The following SPACA6 variants were observed in gnomAD, a reference collection of about 807,000 sequenced individuals.
SPACA6 encodes sperm acrosome membrane-associated protein 6.
For missense variants in SPACA6, 8 were observed against 2.8 expected (o/e 2.88, Z -1.34); for synonymous variants, 6 against 1.5 (o/e 4.05, Z -2.21).
chr19:51,687,246 G>A (rs1037283717), upstream of SPACA6: 2 of 148,266 alleles, frequency 1.3e-5, no homozygotes, highest in Non-Finnish European at 3.0e-5. Context: ...TGGGCAATCC[G>A]TCTCAAAAAT....
chr19:51,689,208 G>A (rs1477800509), upstream of SPACA6: 3 of 152,368 alleles, frequency 2.0e-5, no homozygotes, highest in African/African-American at 7.2e-5. Flanking sequence ...CCTCCTCCCC[G>A]GGGCTGGATG....
downstream of SPACA6, among the ~76,000 whole-genome samples, chr19:51,706,592 C>CT (rs2083516745): frequency 1.3e-5 from 2 of 152,320 alleles, no homozygotes; most frequent in South Asian, 4.1e-4. Context: ...GTCTCCTTCT[C>CT]TAACTACCTC....
chr19:51,701,706 TCATTA>T lies in SPACA6; in HGVS notation c.344_348del (p.Ile115ThrfsTer3). 1 of 398,786 alleles carries T rather than the reference TCATTA, an allele frequency of 2.5e-6. No homozygotes were observed. The highest frequency in any genetic ancestry group is 6.3e-4 in the Middle Eastern group (1 of 1,588). 24.7% of individuals were successfully genotyped at this position (398,786 alleles called of 1,614,324 possible). The stretch of plus-strand genomic sequence containing the variant: ...GATGCTGCGGAGAAAATGAAGAAGG[TCATTA>T]CACAGCTTAAAGAAGGTAAAATACA... On this transcript the variant is annotated frameshift_variant, in exon 3 of 9. Transcript: ENST00000637797. LOFTEE classifies it high-confidence loss of function.
At chr19:51,682,878 A>G in the SPACA6 span, among the ~76,000 whole-genome samples, 1 of 152,264 alleles carries the variant, frequency 6.6e-6, no homozygotes, top group Non-Finnish European at 1.5e-5. Context: ...TCCTGTCTCT[A>G]CTAAAAATAC....
At chr19:51,692,555 C>T (rs2083383253), upstream of SPACA6, 1 of 495,004 alleles carries the variant, frequency 2.0e-6, no homozygotes, top group African/African-American at 2.0e-5. This position sits in a 1 kb window ranked among gnomAD's most constrained non-coding sequence, Gnocchi z 5.6. Flanking sequence ...GGGCTGAGGG[C>T]CTGGACTCCT....
In SPACA6 at chr19:51,703,754, C is replaced by A. The variant is rs1385126902; in HGVS notation, c.574-276C>A. 6.6e-6 allele frequency among the ~76,000 whole-genome samples: 1 copy of A among 151,906 alleles called. No individual in the cohort carries two copies. Among genetic ancestry groups the A allele is most frequent in the East Asian group, 1.9e-4 (1 of 5,176 alleles). On this transcript the variant is annotated intron_variant, in intron 6 of 8. Transcript: ENST00000637797. This position sits in a 1 kb window ranked among gnomAD's most constrained non-coding sequence, Gnocchi z 4.2. ...TTGAGGCTGCAGTGAGCTATGATCG[C>A]GCCACTGCACTGCAGCCTGGGCGCC...
chr19:51,700,787 G>T (rs982733689), intron 2 of SPACA6, among the ~76,000 whole-genome samples: 3 of 152,210 alleles, frequency 2.0e-5, no homozygotes, highest in Non-Finnish European at 2.9e-5. Flanking sequence ...GGAATGAAAT[G>T]ATTGCGATGA....
intron 3 of SPACA6, 183 bp downstream of exon 3, chr19:51,701,909 TAA>T: frequency 5.7e-6 from 2 of 353,054 alleles, no homozygotes; most frequent in Non-Finnish European, 1.0e-5. Context: ...CCATATCTAC[TAA>T]AGATACTAAA....
chr19:51,692,866 T>C, upstream of SPACA6: 1 of 534,402 alleles, frequency 1.9e-6, no homozygotes, highest in Non-Finnish European at 3.8e-6. The surrounding 1 kb of genome is among the most constrained non-coding windows in gnomAD (Gnocchi z 5.6). Flanking sequence ...TTCCCCAGGC[T>C]GCGCCCTGCA....
chr19:51,709,675 A>C (rs1440772962), downstream of SPACA6, among the ~76,000 whole-genome samples: 1 of 151,738 alleles, frequency 6.6e-6, no homozygotes, highest in East Asian at 1.9e-4. Context: ...TTTTGAGCCA[A>C]GCAAGGGCAG....
chr19:51,696,900 C>A (rs1027524457), intron 2 of SPACA6, among the ~76,000 whole-genome samples: 10 of 152,246 alleles, frequency 6.6e-5, no homozygotes, highest in Non-Finnish European at 1.3e-4. Context: ...CAGTGCAAGA[C>A]CCTGGGGCCC....
downstream of SPACA6, among the ~76,000 whole-genome samples, chr19:51,707,556 A>C (rs1356388241): frequency 6.6e-6 from 1 of 152,070 alleles, no homozygotes; most frequent in East Asian, 1.9e-4. Context: ...CATTTCTGAC[A>C]CTACATGTAT....
At chr19:51,709,550 AG>A (rs2083532247), downstream of SPACA6, among the ~76,000 whole-genome samples, 2 of 146,528 alleles carry the variant, frequency 1.4e-5, no homozygotes, top group African/African-American at 2.5e-5. Flanking sequence ...AAAAAAAAAA[AG>A]ATGACATGAG....
chr19:51,706,607 T>C (rs979407582), downstream of SPACA6, among the ~76,000 whole-genome samples: 3 of 151,932 alleles, frequency 2.0e-5, no homozygotes, highest in African/African-American at 7.3e-5. Flanking sequence ...TACCTCTCTC[T>C]CCCTGTTTGA....
intron 2 of SPACA6, among the ~76,000 whole-genome samples, chr19:51,711,829 G>C (rs1018133698): frequency 6.6e-6 from 1 of 152,166 alleles, no homozygotes; most frequent in Non-Finnish European, 1.5e-5. Context: ...AGCCAGAATA[G>C]GTAAATCTAT....
chr19:51,698,494 T>TC (rs1273827139), intron 2 of SPACA6, among the ~76,000 whole-genome samples: 1 of 152,062 alleles, frequency 6.6e-6, no homozygotes, highest in African/African-American at 2.4e-5. Context: ...ACATAGAAAT[T>TC]CTTTGGATGA....
chr19:51,708,107 C>G (rs900563144), downstream of SPACA6, among the ~76,000 whole-genome samples: 1 of 152,142 alleles, frequency 6.6e-6, no homozygotes, highest in Admixed American at 6.5e-5. Context: ...CGGGTGAGGC[C>G]GAAAGCTCCA....
upstream of SPACA6, among the ~76,000 whole-genome samples, chr19:51,688,717 G>GA (rs1278622988): frequency 6.6e-6 from 1 of 152,040 alleles, no homozygotes; most frequent in Admixed American, 6.6e-5. Context: ...GAGAAACAGA[G>GA]AAAAGGGAAG....
chr19:51,692,746 C>T (rs769455844), upstream of SPACA6: 2 of 532,164 alleles, frequency 3.8e-6, no homozygotes, highest in South Asian at 2.8e-5. This position sits in a 1 kb window ranked among gnomAD's most constrained non-coding sequence, Gnocchi z 5.6. Flanking sequence ...CTCCTGGTCC[C>T]TGTCTGTCTG....
Sources: gnomAD v4.1 joint callset for allele counts (sites outside exome capture counted in the v4.1 genomes callset) on GRCh38, gnomAD v4.1.1 for gene constraint, Gnocchi (gnomAD v3.1) non-coding constraint, MANE v1.5 for transcripts, NCBI Gene and HGNC (gene_info 2026-07-23, HGNC 2026-07-21) for gene names.